The following ECPAS variants were observed in gnomAD, a reference collection of about 807,000 sequenced individuals.
ECPAS encodes Ecm29 proteasome adaptor and scaffold.
In ECPAS, 70 loss-of-function variants were observed where a neutral mutation model predicts 255.1. The ratio of observed to expected loss-of-function variants is 0.27; its 90% CI spans 0.23 to 0.33. ECPAS has a LOEUF of 0.33. Ranked by LOEUF, ECPAS falls within the 10% of genes least tolerant of loss-of-function variation. ECPAS has a pLI of 1.00. For missense variants in ECPAS, 1,817 were observed against 2,206.4 expected, an observed-to-expected ratio of 0.82 and a Z score of 3.54; for synonymous variants, 784 against 775.0, an observed-to-expected ratio of 1.01 and a Z score of -0.19.
In ECPAS at chr9:111,413,827, A is replaced by G. The variant is rs559992176; in HGVS notation, c.2079+68T>C. 1.3e-3 allele frequency: 1,330 copies of G among 1,020,498 alleles called. 7 individuals carry two copies. In the Middle Eastern group the frequency reaches 0.013, roughly 10 times the overall value. The allele number at this position is 1,020,498 out of a possible 1,614,324, so 63.2% of individuals were successfully genotyped here. On this transcript the variant is annotated intron_variant, in intron 20 of 49. Transcript: ENST00000684092. ...AGGTCATAGGGATCCCGCTGGCAGG[A>G]AAAAGAAATCATGAAGTTAAGGTCT...
intron 2 of ECPAS, among the ~76,000 whole-genome samples, chr9:111,462,096 A>G (rs2098273871): frequency 6.6e-6 from 1 of 152,232 alleles, no homozygotes; most frequent in Admixed American, 6.5e-5. Flanking sequence ...AAGAAAATCA[A>G]TTCCAGATGG....
intron 45 of ECPAS, among the ~76,000 whole-genome samples, chr9:111,369,914 G>A (rs1015214236): frequency 6.6e-6 from 1 of 152,170 alleles, no homozygotes; most frequent in African/African-American, 2.4e-5. Flanking sequence ...TATTAGCCAA[G>A]GCAAAGCTTA....
chr9:111,364,802 A>G (rs561318387), intron 48 of ECPAS, among the ~76,000 whole-genome samples: 2 of 152,346 alleles, frequency 1.3e-5, no homozygotes, highest in African/African-American at 4.8e-5. Flanking sequence ...TCTTAATGTG[A>G]GGACACATCA....
chr9:111,410,188 G>C lies in ECPAS; in HGVS notation c.2403C>G (p.Pro801=), dbSNP rs2131716357. The change falls in exon 23 of 50, where the codon CCC becomes CCG. Residue 801 remains proline (P), a synonymous_variant. Coordinates refer to ENST00000684092, the MANE Select transcript of ECPAS (RefSeq NM_001364929.1). ...CTGTGCAGGCAGCAATTGCCAGGAG[G>C]GGTGATGTACTGTCCAAAAATGAGC... is the stretch of plus-strand genomic sequence containing the variant. ...TIGSFLDSTS[P]LLAIAACTAL... The C allele has an allele frequency of 4.3e-6, 7 of 1,613,072 alleles. No homozygotes were observed. The highest frequency in any genetic ancestry group is 5.1e-6 in the Non-Finnish European group (6 of 1,179,576).
chr9:111,444,993 T>C (rs914117032), intron 3 of ECPAS, among the ~76,000 whole-genome samples: 15 of 53,842 alleles, frequency 2.8e-4, no homozygotes, highest in African/African-American at 1.8e-3. Flanking sequence ...TGCTCCTGGC[T>C]TTTTTTTTTT....
chr9:111,391,948 AAGT>A, intron 28 of ECPAS, 124 bp from the exon 29 acceptor site: 1 of 738,928 alleles, frequency 1.4e-6, no homozygotes, highest in African/African-American at 1.8e-5. Context: ...CAAGATATAA[AAGT>A]CCTTTCCGGC....
chr9:111,440,495 A>G lies in ECPAS; in HGVS notation c.416T>C (p.Leu139Pro). 6.2e-7 allele frequency: 1 copy of G among 1,608,278 alleles called. No individual in the cohort carries two copies. Residue 139 changes from leucine to proline, a missense_variant, in exon 6 of 50, where the codon CTT becomes CCT. Around this residue, in one of 4 missense-constraint regions of ECPAS, gnomAD observed 573 missense variants for 716.2 expected, o/e 0.80. Coordinates refer to ENST00000684092, the MANE Select transcript of ECPAS (RefSeq NM_001364929.1). Reference protein sequence around the residue: ...DSLMHLLIPTLFHMKYPVESS... With the variant: ...DSLMHLLIPTPFHMKYPVESS... ...TTCAACAGGGTATTTCATGTGAAAA[A>G]GGGTTGGTATTAAAAGATGCATTAA...
At chr9:111,483,258 G>A (rs985986621) in intron 1 of ECPAS, among the ~76,000 whole-genome samples, 2 of 152,034 alleles carry the variant, frequency 1.3e-5, no homozygotes, top group Admixed American at 6.5e-5. Flanking sequence ...GCGGGCAGAG[G>A]TGGCTCCGCC....
At chr9:111,437,998 T>A (rs1031199856) in intron 6 of ECPAS, among the ~76,000 whole-genome samples, 1 of 152,220 alleles carries the variant, frequency 6.6e-6, no homozygotes, top group African/African-American at 2.4e-5. Context: ...GATAGGATAG[T>A]AAGTTATTCC....
At chr9:111,480,299 T>C (rs1317299328) in intron 1 of ECPAS, among the ~76,000 whole-genome samples, 3 of 142,410 alleles carry the variant, frequency 2.1e-5, no homozygotes, top group Non-Finnish European at 4.6e-5. Flanking sequence ...TTTCTTTTTT[T>C]TTTTTTTTTT....
chr9:111,469,983 G>C (rs1008898572), intron 2 of ECPAS, among the ~76,000 whole-genome samples: 5 of 152,160 alleles, frequency 3.3e-5, no homozygotes, highest in Non-Finnish European at 7.3e-5. Flanking sequence ...TAAGTTGGGA[G>C]TGGGGAGAAG....
Position 111,370,525 on chromosome 9 carries a change from T to C in ECPAS, c.4884A>G (p.Val1628=). ...CSKENVKYKI[V]AISCAADILK... is the part of the protein sequence containing the mutation. ...AGATATCAGCTGCACAGCTGATTGCTACAATCTTGTATTTGACATTCTCTT... is the reference window on the plus strand; with the variant it reads ...AGATATCAGCTGCACAGCTGATTGCCACAATCTTGTATTTGACATTCTCTT... The change falls in exon 45 of 50, where the codon GTA becomes GTG. Residue 1628 remains valine, a synonymous_variant. Transcript: ENST00000684092. 1 of 1,611,410 alleles carries C rather than the reference T, an allele frequency of 6.2e-7. No homozygotes were observed. The highest frequency in any genetic ancestry group is 8.5e-7 in the Non-Finnish European group (1 of 1,178,740).
chr9:111,415,252 T>TGAGA (rs34072206), intron 18 of ECPAS, among the ~76,000 whole-genome samples: 16 of 150,100 alleles, frequency 1.1e-4, no homozygotes, highest in East Asian at 5.9e-4. Context: ...TGTGTGTGTG[T>TGAGA]GAGAGAGAGA....
At chr9:111,472,363 G>A (rs374424774) in intron 2 of ECPAS, among the ~76,000 whole-genome samples, 14 of 151,604 alleles carry the variant, frequency 9.2e-5, no homozygotes, top group African/African-American at 2.2e-4. Context: ...ATCACCCATC[G>A]TCTTTTCCTT....
chr9:111,430,422 A>G, intron 9 of ECPAS, 125 bp downstream of exon 9: 1 of 693,238 alleles, frequency 1.4e-6, no homozygotes, highest in Non-Finnish European at 2.6e-6. Flanking sequence ...AGCATGACTT[A>G]AAACTAGCAT....
intron 1 of ECPAS, chr9:111,483,552 G>A (rs1463249819): frequency 2.1e-6 from 2 of 964,382 alleles, no homozygotes; most frequent in Middle Eastern, 5.2e-4. Flanking sequence ...ATGTTGCGCC[G>A]GGGAGGGAAC....
At chr9:111,414,723 TAAC>T in intron 18 of ECPAS, 72 bp from the exon 19 acceptor site, 1 of 1,300,414 alleles carries the variant, frequency 7.7e-7, no homozygotes, top group Non-Finnish European at 1.1e-6. Flanking sequence ...CTCTTCAAAG[TAAC>T]AATTTCTAGT....
chr9:111,479,615 T>C (rs2098301142), intron 1 of ECPAS, among the ~76,000 whole-genome samples: 1 of 151,416 alleles, frequency 6.6e-6, no homozygotes, highest in Non-Finnish European at 1.5e-5. Flanking sequence ...ACAAAAAAAA[T>C]TGTTAAGGTG....
At chr9:111,447,737 A>T (rs1452238352) in intron 3 of ECPAS, among the ~76,000 whole-genome samples, 2 of 151,844 alleles carry the variant, frequency 1.3e-5, no homozygotes, top group African/African-American at 4.8e-5. Flanking sequence ...TTATTAGTAT[A>T]AATTAAATAT....
Sources: allele counts gnomAD v4.1 joint callset (sites outside exome capture counted in the v4.1 genomes callset), GRCh38; gene constraint gnomAD v4.1.1; regional missense constraint gnomAD v4.1.1; transcripts MANE v1.5; gene names NCBI Gene and HGNC (gene_info 2026-07-23, HGNC 2026-07-21).